The following SETD2 variants were observed in gnomAD, a reference collection of about 807,000 sequenced individuals.
The protein encoded by SETD2 is histone-lysine N-methyltransferase SETD2.
A neutral mutation model predicts 242.1 loss-of-function variants in SETD2; 31 were observed. The observed-to-expected ratio is 0.13, with a 90% CI of 0.10 to 0.17. The LOEUF (loss-of-function observed/expected upper bound fraction) is 0.17. Among genes scored for constraint, SETD2 ranks in the 10% least tolerant of loss-of-function variants. SETD2 has a pLI of 1.00. For missense variants in SETD2, 2,481 were observed against 3,046.3 expected (o/e 0.81, Z 4.37); for synonymous variants, 1,006 against 1,066.5 (o/e 0.94, Z 1.11).
At chr3:47,110,917 G>A (rs2042622091) in intron 5 of SETD2, among the ~76,000 whole-genome samples, 1 of 151,742 alleles carries the variant, frequency 6.6e-6, no homozygotes, top group South Asian at 2.1e-4. Context: ...CTTAATATGA[G>A]AAGAGCACTG....
chr3:47,059,443 G>A (rs575590823), intron 14 of SETD2, among the ~76,000 whole-genome samples: 110 of 140,892 alleles, frequency 7.8e-4, no homozygotes, highest in South Asian at 7.2e-3. Flanking sequence ...TTTTTGAGAC[G>A]GAGTCTTGCT....
intron 1 of SETD2, among the ~76,000 whole-genome samples, chr3:47,149,787 G>A (rs1370659124): frequency 6.6e-6 from 1 of 152,130 alleles, no homozygotes; most frequent in African/African-American, 2.4e-5. Flanking sequence ...GAGTTCAAGA[G>A]TTCAATCTCA....
At chr3:47,050,748 T>TTTTTTTTTTTA (rs2039796208) in intron 15 of SETD2, among the ~76,000 whole-genome samples, 1 of 140,474 alleles carries the variant, frequency 7.1e-6, no homozygotes, top group African/African-American at 2.7e-5. Flanking sequence ...TTTTTTTTTT[T>TTTTTTTTTTTA]GAGACAGAGT....
intron 2 of SETD2, among the ~76,000 whole-genome samples, chr3:47,125,702 T>C (rs929344074): frequency 2.6e-5 from 4 of 152,186 alleles, no homozygotes; most frequent in Non-Finnish European, 5.9e-5. Context: ...AGTTACAAAG[T>C]ATAAACCTAA....
intron 9 of SETD2, among the ~76,000 whole-genome samples, chr3:47,094,272 G>A (rs773033182): frequency 1.3e-5 from 2 of 152,196 alleles, no homozygotes; most frequent in Admixed American, 6.5e-5. Context: ...TAAGTACCCA[G>A]TGTGTGACAT....
chr3:47,139,836 C>A (rs1451185749), intron 1 of SETD2, among the ~76,000 whole-genome samples: 3 of 152,122 alleles, frequency 2.0e-5, no homozygotes, highest in Admixed American at 6.6e-5. Context: ...AGGTAAAGCA[C>A]TTTGGAGTAA....
chr3:47,046,698 A>G (rs908149797), intron 15 of SETD2, 77 bp from the exon 16 acceptor site: 2 of 1,334,838 alleles, frequency 1.5e-6, no homozygotes, highest in Non-Finnish European at 2.0e-6. Flanking sequence ...AAGTTGGCAC[A>G]ATCTTAAAGA....
intron 18 of SETD2, among the ~76,000 whole-genome samples, chr3:47,032,704 G>C (rs1292884832): frequency 1.3e-5 from 2 of 151,946 alleles, no homozygotes; most frequent in Non-Finnish European, 2.9e-5. Flanking sequence ...CTGAGGTCAG[G>C]AGTTCGAGAC....
At chr3:47,077,374 C>T (rs559307958) in intron 12 of SETD2, among the ~76,000 whole-genome samples, 1 of 152,216 alleles carries the variant, frequency 6.6e-6, no homozygotes, top group South Asian at 2.1e-4. Context: ...TGAGCCACCA[C>T]GCCCGGCCTG....
chr3:47,078,864 G>A (rs577390274), intron 12 of SETD2, among the ~76,000 whole-genome samples: 1 of 152,002 alleles, frequency 6.6e-6, no homozygotes, highest in South Asian at 2.1e-4. Flanking sequence ...CCAAGTGGCT[G>A]GGACTACAGG....
intron 1 of SETD2, chr3:47,163,487 G>A (rs375242316): frequency 1.3e-5 from 2 of 153,386 alleles, no homozygotes; most frequent in Admixed American, 6.5e-5. Flanking sequence ...CTGCCCTTTG[G>A]CTAGCAGCGG....
chr3:47,157,533 A>AT (rs2044153380), intron 1 of SETD2: 1 of 455,912 alleles, frequency 2.2e-6, no homozygotes, highest in African/African-American at 2.0e-5. Flanking sequence ...ATGGCGCCTC[A>AT]TAAGTACCGT....
chr3:47,103,773 C>T (rs538892749), intron 6 of SETD2, among the ~76,000 whole-genome samples: 1 of 152,282 alleles, frequency 6.6e-6, no homozygotes, highest in African/African-American at 2.4e-5. Flanking sequence ...CTTATCCCCA[C>T]TTTGCCCTTG....
At chr3:47,104,237 A>T (rs9819475) in intron 6 of SETD2, among the ~76,000 whole-genome samples, 6,416 of 152,176 alleles carry the variant, frequency 0.042, 462 homozygotes, top group African/African-American at 0.14. Context: ...AAAAAAAAAA[A>T]AATTTAAATA....
Position 47,163,959 on chromosome 3 carries a change from C to A in SETD2, c.-35G>T. 1 of 1,271,856 alleles carries A rather than the reference C, an allele frequency of 7.9e-7. No homozygotes were observed. The highest frequency in any genetic ancestry group is 1.0e-6 in the Non-Finnish European group (1 of 1,002,124). 78.8% of individuals were successfully genotyped at this position (1,271,856 alleles called of 1,614,324 possible). On this transcript the variant is annotated 5_prime_UTR_variant, in exon 1 of 21. Transcript: ENST00000409792. ...CTGGAGACGGCGACGCGAGCCCCCT[C>A]CCCGCAGCAGGGCGACGCGGGGGAG...
In SETD2 at chr3:47,103,333, C is replaced by T. The variant is rs533017924; in HGVS notation, c.4917+13G>A. 15 of 1,576,094 alleles carry T rather than the reference C, an allele frequency of 9.5e-6. No homozygotes were observed. The South Asian group carries it at 1.6e-4, about 16-fold the overall frequency. On this transcript the variant is annotated intron_variant, in intron 7 of 20. Transcript: ENST00000409792. ...GAACAAATACCTCAAACTCTAAATC[C>T]ACCTCAACTTACTTTTTGGGTTTCA...
chr3:47,127,436 CAT>C (rs1391519886), intron 1 of SETD2: 1 of 245,238 alleles, frequency 4.1e-6, no homozygotes, highest in Non-Finnish European at 8.5e-6. Context: ...GAGATTAACA[CAT>C]AAAATAAGGC....
chr3:47,029,065 ATTT>A (rs35295276), intron 18 of SETD2: 149 of 156,590 alleles, frequency 9.5e-4, no homozygotes, highest in South Asian at 4.0e-3. Context: ...CAAACTTTTA[ATTT>A]TTTTTTTTTT....
At chr3:47,018,533 C>A (rs1366415374) in intron 19 of SETD2, among the ~76,000 whole-genome samples, 2 of 152,172 alleles carry the variant, frequency 1.3e-5, no homozygotes, top group Non-Finnish European at 2.9e-5. Flanking sequence ...ACTAAATAAA[C>A]AGCTGCTGGT....
Sources: gnomAD v4.1 joint callset for allele counts (sites outside exome capture counted in the v4.1 genomes callset) on GRCh38, gnomAD v4.1.1 for gene constraint, MANE v1.5 for transcripts, NCBI Gene and HGNC (gene_info 2026-07-23, HGNC 2026-07-21) for gene names.